The following MAMLD1 variants were observed in gnomAD, a reference collection of about 807,000 sequenced individuals.
The protein encoded by MAMLD1 is mastermind-like domain-containing protein 1.
Under a neutral mutation model 45.0 loss-of-function variants are expected in MAMLD1, and 14 were observed. The observed-to-expected ratio is 0.31, with a 90% CI of 0.21 to 0.49. The LOEUF is 0.49. MAMLD1 is among the 20% of genes least tolerant of loss of function. MAMLD1 has a pLI of 0.99. For missense variants in MAMLD1, 543 were observed against 603.6 expected (o/e 0.90, Z 1.05); for synonymous variants, 254 against 247.8 (o/e 1.02, Z -0.24).
chrX:150,453,573 T>G (rs782678154), intron 2 of MAMLD1, among the ~76,000 whole-genome samples: 1 of 112,076 alleles, frequency 8.9e-6, no homozygotes, highest in East Asian at 2.8e-4. Flanking sequence ...TTCCTTCCAT[T>G]TCTCCTCCCA....
chrX:150,414,040 A>AAAAAAAAAAAAAAAAAAAAAC, intron 1 of MAMLD1, among the ~76,000 whole-genome samples: 1 of 105,157 alleles, frequency 9.5e-6, no homozygotes, highest in Non-Finnish European at 2.0e-5. Flanking sequence ...AAAAAAAAAA[A>AAAAAAAAAAAAAAAAAAAAAC]AAAAAAAAGA....
chrX:150,430,028 T>TTC (rs2034870672), intron 1 of MAMLD1, among the ~76,000 whole-genome samples: 2 of 81,955 alleles, frequency 2.4e-5, no homozygotes, highest in African/African-American at 4.4e-5. Context: ...TCTTTTTTTT[T>TTC]TTTTTTTTTT....
chrX:150,409,737 C>T (rs955163980), intron 1 of MAMLD1, among the ~76,000 whole-genome samples: 11 of 111,650 alleles, frequency 9.9e-5, no homozygotes, highest in Admixed American at 2.8e-4. Flanking sequence ...CTGGCTCGGC[C>T]GGCTCTCCAC....
chrX:150,406,739 C>A (rs1450837589), intron 1 of MAMLD1, among the ~76,000 whole-genome samples: 1 of 111,707 alleles, frequency 9.0e-6, no homozygotes, highest in Non-Finnish European at 1.9e-5. Flanking sequence ...ATGATTCAGC[C>A]CCAAGAGGAT....
At chrX:150,405,270 C>A in intron 1 of MAMLD1, among the ~76,000 whole-genome samples, 1 of 111,363 alleles carries the variant, frequency 9.0e-6, no homozygotes, top group Admixed American at 9.6e-5. Flanking sequence ...ATTCTGGAGG[C>A]TATATTATTA....
At chrX:150,417,045 A>G (rs2034269447) in intron 1 of MAMLD1, among the ~76,000 whole-genome samples, 1 of 110,140 alleles carries the variant, frequency 9.1e-6, no homozygotes, top group African/African-American at 3.3e-5. Context: ...GTTTTAGGGT[A>G]CATGTTCACA....
At chrX:150,451,953 C>T (rs1557405085) in intron 2 of MAMLD1, among the ~76,000 whole-genome samples, 1 of 111,865 alleles carries the variant, frequency 8.9e-6, no homozygotes, top group East Asian at 2.8e-4. Flanking sequence ...TCTCAAGTCC[C>T]CATCCAGAGG....
intron 1 of MAMLD1, among the ~76,000 whole-genome samples, chrX:150,372,378 A>G (rs903924220): frequency 1.3e-4 from 14 of 111,380 alleles, no homozygotes; most frequent in African/African-American, 4.6e-4. Context: ...TTGGCTCTTA[A>G]TGAGATCTCA....
chrX:150,481,845 AGAAAGAAAGAAAGAG>A (rs1351781177), intron 5 of MAMLD1, among the ~76,000 whole-genome samples: 2 of 107,333 alleles, frequency 1.9e-5, no homozygotes, highest in Admixed American at 2.1e-4. Context: ...ATAAAAAAAA[AGAAAGAAAGAAAGAG>A]AGAAAGAAAG....
At chrX:150,364,046 G>A (rs1403677698) in intron 1 of MAMLD1, among the ~76,000 whole-genome samples, 2 of 112,954 alleles carry the variant, frequency 1.8e-5, no homozygotes, top group Non-Finnish European at 3.8e-5. Flanking sequence ...GAGTGTGCGC[G>A]CCGAATCCGC....
chrX:150,370,256 G>C (rs1195437658), intron 1 of MAMLD1, among the ~76,000 whole-genome samples: 1 of 110,989 alleles, frequency 9.0e-6, no homozygotes, highest in Non-Finnish European at 1.9e-5. Context: ...CCAGTCAACT[G>C]TATGGCAGGA....
At chrX:150,431,427 A>T (rs1322490551) in intron 1 of MAMLD1, among the ~76,000 whole-genome samples, 5 of 109,095 alleles carry the variant, frequency 4.6e-5, no homozygotes, top group African/African-American at 1.7e-4. Context: ...TTTTAAAAAA[A>T]AATTAGGTCA....
chrX:150,407,699 G>A (rs1258002215), intron 1 of MAMLD1, among the ~76,000 whole-genome samples: 4 of 112,087 alleles, frequency 3.6e-5, no homozygotes, highest in African/African-American at 1.3e-4. Context: ...CTTACAAGCT[G>A]TGTGACTTTG....
At chrX:150,399,118 A>G (rs1449173248) in intron 1 of MAMLD1, among the ~76,000 whole-genome samples, 2 of 112,082 alleles carry the variant, frequency 1.8e-5, no homozygotes, top group Admixed American at 1.9e-4. Flanking sequence ...TCTCTACCAC[A>G]GTATGGAGGA....
intron 5 of MAMLD1, among the ~76,000 whole-genome samples, chrX:150,487,340 T>A (rs1042104139): frequency 8.9e-6 from 1 of 112,404 alleles, no homozygotes; most frequent in Non-Finnish European, 1.9e-5. Context: ...AATCTAATTT[T>A]CAACAATTGA....
chrX:150,404,321 G>T (rs1241296129), intron 1 of MAMLD1, among the ~76,000 whole-genome samples: 6 of 111,952 alleles, frequency 5.4e-5, no homozygotes, highest in Admixed American at 9.4e-5. Context: ...TTCTCTCTAG[G>T]CTGTGGCTTC....
At chrX:150,489,292 C>G (rs1437487944) in intron 5 of MAMLD1, among the ~76,000 whole-genome samples, 1 of 110,768 alleles carries the variant, frequency 9.0e-6, no homozygotes, top group African/African-American at 3.3e-5. Context: ...ACTTCAAGAT[C>G]AAGACACTGG....
In MAMLD1 at chrX:150,371,032, C is replaced by T. The variant is rs1046918513; in HGVS notation, c.-64+7502C>T. Among the ~76,000 whole-genome samples, 8 of 111,171 alleles carry T rather than the reference C, an allele frequency of 7.2e-5. No individual in the cohort carries two copies. In the East Asian group the frequency reaches 8.6e-4, roughly 12 times the overall value. ...GCTTCAGACTACTCCCTCCCTTCCTCGGCCTGCAAGAGGGTGGGCTCTTCA... is the reference window on the plus strand; with the variant it reads ...GCTTCAGACTACTCCCTCCCTTCCTTGGCCTGCAAGAGGGTGGGCTCTTCA... On this transcript the variant is annotated intron_variant, in intron 1 of 7. Coordinates refer to ENST00000370401, the MANE Select transcript of MAMLD1 (RefSeq NM_005491.5).
intron 1 of MAMLD1, among the ~76,000 whole-genome samples, chrX:150,382,680 A>G (rs1557401772): frequency 1.8e-5 from 2 of 111,024 alleles, no homozygotes; most frequent in Admixed American, 1.9e-4. Context: ...TATTATTTCT[A>G]TTTGATGTTC....
Sources: allele counts gnomAD v4.1 joint callset (sites outside exome capture counted in the v4.1 genomes callset), GRCh38; gene constraint gnomAD v4.1.1; transcripts MANE v1.5; gene names NCBI Gene and HGNC (gene_info 2026-07-23, HGNC 2026-07-21).